Variants in PATJ observed in about 807,000 individuals in gnomAD.
PATJ encodes PATJ crumbs cell polarity complex component, also known as inaD-like protein.
Under a neutral mutation model 224.9 loss-of-function variants are expected in PATJ, and 190 were observed. That is an observed-to-expected ratio of 0.84 (90% CI 0.75 to 0.95). The LOEUF (loss-of-function observed/expected upper bound fraction) is 0.95, where lower values mean the gene tolerates loss of function less well. PATJ is among the 40% of genes least tolerant of loss of function. The pLI is 0.00. For missense variants in PATJ, 2,121 were observed against 2,270.3 expected (o/e 0.93, Z 1.34); for synonymous variants, 769 against 820.3 (o/e 0.94, Z 1.07).
chr1:61,831,187 C>CA (rs545292546), intron 16 of PATJ, among the ~76,000 whole-genome samples: 11,374 of 64,926 alleles, frequency 0.18, 700 homozygotes, highest in African/African-American at 0.26. Flanking sequence ...GACTCTGTCT[C>CA]AAAAAAAAAA....
In PATJ at chr1:61,769,411, T is replaced by C. The variant is rs1218854264; in HGVS notation, c.513T>C (p.Ser171=). 1.2e-6 allele frequency: 2 copies of C among 1,612,714 alleles called. No individual in the cohort carries two copies. The highest frequency in any genetic ancestry group is 8.5e-7 in the Non-Finnish European group (1 of 1,179,644). ...TCGTGAAGGATGTCCAGCCAGGGAG[T>C]GTAGCAGACAGGTGAGGAAGCTGTT... is the stretch of plus-strand genomic sequence containing the variant. The part of the protein sequence containing the change: ...DIFVKDVQPG[S]VADRDQRLKE... The change falls in exon 5 of 44, where the codon AGT becomes AGC. Residue 171 remains serine, a synonymous_variant. Transcript: ENST00000642238.
At position 61,856,108 on chromosome 1, in the gene PATJ, C is replaced by T. The variant is rs771447375; in HGVS notation, c.2191C>T (p.Leu731=). 1 of 1,614,006 alleles carries T rather than the reference C, an allele frequency of 6.2e-7. No homozygotes were observed. Among genetic ancestry groups the T allele is most frequent in the South Asian group, 1.1e-5 (1 of 91,082 alleles). Reference sequence around the variant, plus strand: ...TGGTGTAGCAGAAAGAAGTGGGGGACTATTACCTGGAGACCGCCTGGTCTC... The same window carrying T: ...TGGTGTAGCAGAAAGAAGTGGGGGATTATTACCTGGAGACCGCCTGGTCTC... ...ADGVAERSGG[L]LPGDRLVSVN... is the part of the protein sequence containing the mutation. The change falls in exon 18 of 44, where the codon CTA becomes TTA. Residue 731 remains leucine (L), a synonymous_variant. Coordinates refer to ENST00000642238, the MANE Select transcript of PATJ (RefSeq NM_001350145.3).
intron 34 of PATJ, among the ~76,000 whole-genome samples, chr1:62,112,409 G>A (rs116145554): frequency 0.016 from 2,458 of 152,274 alleles, 71 homozygotes; most frequent in African/African-American, 0.055. Context: ...GGGAGTCTGA[G>A]TCTGGAGAAT....
At chr1:61,913,622 C>T (rs1239371717) in intron 25 of PATJ, among the ~76,000 whole-genome samples, 1 of 152,208 alleles carries the variant, frequency 6.6e-6, no homozygotes, top group East Asian at 1.9e-4. Flanking sequence ...CATTTATAAA[C>T]ATTTATTATG....
chr1:62,033,977 C>T (rs181107337), intron 29 of PATJ, among the ~76,000 whole-genome samples: 1 of 152,254 alleles, frequency 6.6e-6, no homozygotes, highest in Admixed American at 6.5e-5. Flanking sequence ...GACACACATG[C>T]AGTGTTCCGT....
intron 30 of PATJ, among the ~76,000 whole-genome samples, chr1:62,044,055 G>A (rs79186896): frequency 6.6e-6 from 1 of 152,142 alleles, no homozygotes; most frequent in African/African-American, 2.4e-5. Flanking sequence ...TGTGTATGTT[G>A]TAGAATGGCT....
intron 14 of PATJ, among the ~76,000 whole-genome samples, chr1:61,820,763 C>CA (rs1177180750): frequency 1.3e-5 from 2 of 152,196 alleles, no homozygotes; most frequent in African/African-American, 4.8e-5. Flanking sequence ...CCCAGCACCG[C>CA]ACTGGGGATG....
chr1:62,046,881 A>C (rs1161734233), intron 30 of PATJ, among the ~76,000 whole-genome samples: 2 of 152,298 alleles, frequency 1.3e-5, no homozygotes, highest in African/African-American at 4.8e-5. Flanking sequence ...GTTTCTATTC[A>C]CATCTTAAAG....
chr1:61,886,819 C>CAAAAAAAAAAAAAAAGAAAAAAAAAA (rs35950461), intron 22 of PATJ, among the ~76,000 whole-genome samples: 1 of 87,418 alleles, frequency 1.1e-5, no homozygotes. Context: ...GACCCCATCT[C>CAAAAAAAAAAAAAAAGAAAAAAAAAA]AAAAAAAAAA....
In PATJ at chr1:62,125,102, T is replaced by C. The variant is rs184257196; in HGVS notation, c.5043+2044T>C. On this transcript the variant is annotated intron_variant, in intron 39 of 43. Coordinates refer to ENST00000642238, the MANE Select transcript of PATJ (RefSeq NM_001350145.3). ...AAAATTAGACAGGCGTGGTGGTGCATGCCTGTGGTTCCAGCTCCCAGCTAT... is the reference window on the plus strand; with the variant it reads ...AAAATTAGACAGGCGTGGTGGTGCACGCCTGTGGTTCCAGCTCCCAGCTAT... 5.5e-4 allele frequency among the ~76,000 whole-genome samples: 84 copies of C among 151,666 alleles called. 1 individual carries two copies. The South Asian group carries it at 0.012, about 22-fold the overall frequency.
At chr1:61,858,874 A>G (rs1009074602) in intron 18 of PATJ, among the ~76,000 whole-genome samples, 1 of 152,148 alleles carries the variant, frequency 6.6e-6, no homozygotes, top group Non-Finnish European at 1.5e-5. Flanking sequence ...TAAATATTTC[A>G]AAGTGGAATA....
At chr1:61,904,680 G>A (rs534690077) in intron 24 of PATJ, among the ~76,000 whole-genome samples, 63 of 152,286 alleles carry the variant, frequency 4.1e-4, no homozygotes, top group African/African-American at 1.3e-3. Context: ...ACATTGCTGG[G>A]GAGGCTTCAG....
chr1:61,805,290 T>C (rs1653302817), intron 12 of PATJ, among the ~76,000 whole-genome samples, 158 bp from the exon 13 acceptor site: 1 of 152,240 alleles, frequency 6.6e-6, no homozygotes, highest in Non-Finnish European at 1.5e-5. Flanking sequence ...TCTGATTTAC[T>C]TTACCTAGCA....
At position 62,086,228 on chromosome 1, in the gene PATJ, A is replaced by ATGTGTGTGTGTGTGTGTGTGTGTGTG. The variant is rs145837024; in HGVS notation, c.4377+1595_4377+1596insGTGTGTGTGTGTGTGTGTGTGTGTGT. ...TACTCAAGATGTGATTAATTAATGCATGTGTGTGTGTGTGTATGTGTGTGT... is the reference window on the plus strand; with the variant it reads ...TACTCAAGATGTGATTAATTAATGCATGTGTGTGTGTGTGTGTGTGTGTGTGTGTGTGTGTGTGTGTATGTGTGTGT... On this transcript the variant is annotated intron_variant, in intron 33 of 43. Coordinates refer to ENST00000642238, the MANE Select transcript of PATJ (RefSeq NM_001350145.3). The surrounding 1 kb of genome is among the most constrained non-coding windows in gnomAD (Gnocchi z 4.0). 4.1e-3 allele frequency among the ~76,000 whole-genome samples: 614 copies of ATGTGTGTGTGTGTGTGTGTGTGTGTG among 150,326 alleles called. 4 individuals are homozygous for ATGTGTGTGTGTGTGTGTGTGTGTGTG. The highest frequency in any genetic ancestry group is 0.015 in the African/African-American group (585 of 40,304).
chr1:61,795,419 G>C (rs376618720), intron 9 of PATJ, 48 bp from the exon 10 acceptor site: 10 of 1,141,254 alleles, frequency 8.8e-6, no homozygotes, highest in Admixed American at 4.3e-5. Context: ...TGCAATCAAG[G>C]CCTAATTAGA....
chr1:62,134,479 G>A (rs964554903), intron 41 of PATJ, among the ~76,000 whole-genome samples: 1 of 151,638 alleles, frequency 6.6e-6, no homozygotes, highest in Non-Finnish European at 1.5e-5. Flanking sequence ...CCGAGTAGCT[G>A]GGATTACAGG....
At position 61,913,257 on chromosome 1, in the gene PATJ, C is replaced by T. The variant is rs148926255; in HGVS notation, c.3493-1330C>T. ...TAATTTATTTATGTATTTTTTGAAT[C>T]AGGATCTTGCCCTGTCACCCAGGCT... is the stretch of plus-strand genomic sequence containing the variant. On this transcript the variant is annotated intron_variant, in intron 25 of 43. Transcript: ENST00000642238. Among the ~76,000 whole-genome samples, 664 of 151,826 alleles carry T rather than the reference C, an allele frequency of 4.4e-3. 4 individuals are homozygous for T. Among genetic ancestry groups the T allele is most frequent in the Middle Eastern group, 0.027 (8 of 294 alleles).
chr1:62,090,334 C>A (rs948969668), intron 33 of PATJ, among the ~76,000 whole-genome samples: 2 of 152,148 alleles, frequency 1.3e-5, no homozygotes, highest in African/African-American at 4.8e-5. Context: ...TCAAAGGCTG[C>A]CCTTTGCTTA....
intron 33 of PATJ, among the ~76,000 whole-genome samples, chr1:62,089,855 C>T (rs1660503007): frequency 6.6e-6 from 1 of 152,142 alleles, no homozygotes; most frequent in Non-Finnish European, 1.5e-5. Flanking sequence ...AACCTTCGCA[C>T]ATTTGGTTAA....
Sources: gnomAD v4.1 joint callset for allele counts (sites outside exome capture counted in the v4.1 genomes callset) on GRCh38, gnomAD v4.1.1 for gene constraint, Gnocchi (gnomAD v3.1) non-coding constraint, MANE v1.5 for transcripts, NCBI Gene and HGNC (gene_info 2026-07-23, HGNC 2026-07-21) for gene names.